Variants in SDK2 observed in about 807,000 individuals in gnomAD.
SDK2 encodes the protein protein sidekick-2.
Under a neutral mutation model 253.9 loss-of-function variants are expected in SDK2, and 105 were observed. The ratio of observed to expected loss-of-function variants is 0.41; its 90% CI spans 0.35 to 0.49. The LOEUF (loss-of-function observed/expected upper bound fraction) is 0.49, where lower values mean the gene tolerates loss of function less well. Among genes scored for constraint, SDK2 ranks in the 20% least tolerant of loss-of-function variants. The pLI, the probability that SDK2 is intolerant of heterozygous loss-of-function variation, is 0.06. For missense variants in SDK2, 2,608 were observed against 3,003.0 expected, an observed-to-expected ratio of 0.87 and a Z score of 3.07; for synonymous variants, 1,249 against 1,234.9, an observed-to-expected ratio of 1.01 and a Z score of -0.24.
chr17:73,393,263 AAG>A (rs1491037750), intron 27 of SDK2, among the ~76,000 whole-genome samples: 4 of 150,764 alleles, frequency 2.7e-5, no homozygotes, highest in Non-Finnish European at 5.9e-5. Context: ...AAAAAAAAAA[AAG>A]AAAAGTAAAT....
chr17:73,340,357 T>C (rs1260695714), intron 44 of SDK2, among the ~76,000 whole-genome samples: 1 of 152,220 alleles, frequency 6.6e-6, no homozygotes, highest in Non-Finnish European at 1.5e-5. Flanking sequence ...TCTCTGCCCC[T>C]ACCGGTCACT....
intron 4 of SDK2, among the ~76,000 whole-genome samples, chr17:73,451,459 G>C: frequency 6.6e-6 from 1 of 152,314 alleles, no homozygotes; most frequent in East Asian, 1.9e-4. Context: ...AGCTGAGATC[G>C]TGCCATTGCA....
At chr17:73,376,029 A>C (rs1457680183) in intron 36 of SDK2, among the ~76,000 whole-genome samples, 5 of 151,144 alleles carry the variant, frequency 3.3e-5, no homozygotes, top group Admixed American at 6.6e-5. Context: ...CCCCGTCTCT[A>C]CTAAAAACAC....
At chr17:73,359,390 C>G (rs2062622215) in intron 39 of SDK2, among the ~76,000 whole-genome samples, 2 of 152,182 alleles carry the variant, frequency 1.3e-5, no homozygotes, top group South Asian at 4.1e-4. Context: ...CCTTCCTTCC[C>G]TATGGAGCAG....
intron 1 of SDK2, among the ~76,000 whole-genome samples, chr17:73,606,840 T>C (rs1479678492): frequency 6.6e-6 from 1 of 151,866 alleles, no homozygotes; most frequent in African/African-American, 2.4e-5. Context: ...ACATAGTGGG[T>C]GAGAAGGGGT....
rs112177053 is a variant in SDK2, at chr17:73,451,159, A to G, written c.480-3411T>C. On this transcript the variant is annotated intron_variant, in intron 4 of 44. Transcript: ENST00000392650. ...CCTTTCTCTCTGGCAGAGCAGGACA[A>G]CTTGGAAGGTTGTGTGCTGATGATG... 1.8e-3 allele frequency among the ~76,000 whole-genome samples: 275 copies of G among 152,314 alleles called. 2 individuals are homozygous for G. Among genetic ancestry groups the G allele is most frequent in the African/African-American group, 6.3e-3 (263 of 41,576 alleles).
intron 2 of SDK2, among the ~76,000 whole-genome samples, chr17:73,494,492 G>C (rs756664146): frequency 6.6e-5 from 10 of 152,208 alleles, no homozygotes; most frequent in Non-Finnish European, 1.5e-4. Context: ...GCCAGGACCC[G>C]TTACGGAGAG....
chr17:73,459,401 C>T (rs919877051), intron 3 of SDK2, among the ~76,000 whole-genome samples: 1 of 152,186 alleles, frequency 6.6e-6, no homozygotes, highest in African/African-American at 2.4e-5. Context: ...CCTTTCTTGC[C>T]TTAATGCCCA....
chr17:73,423,641 A>G, intron 13 of SDK2, 119 bp from the exon 14 acceptor site: 1 of 1,243,252 alleles, frequency 8.0e-7, no homozygotes, highest in Non-Finnish European at 1.1e-6. Context: ...TTAGACGTAA[A>G]ATGTGGCCTT....
At chr17:73,591,208 G>A (rs116732759) in intron 1 of SDK2, among the ~76,000 whole-genome samples, 2,001 of 152,290 alleles carry the variant, frequency 0.013, 37 homozygotes, top group African/African-American at 0.043. Context: ...GTGAGCCACC[G>A]CACCCGGTCT....
In SDK2 at chr17:73,348,669, T is replaced by C; in HGVS notation, c.6095A>G (p.Lys2032Arg). 1.9e-6 allele frequency: 3 copies of C among 1,612,504 alleles called. No homozygotes were observed. The highest frequency in any genetic ancestry group is 2.5e-6 in the Non-Finnish European group (3 of 1,179,776). The change falls in exon 44 of 45, where the codon AAA (lysine) becomes AGA (arginine). Residue 2032 changes from lysine (K) to arginine (R), a missense_variant. By Grantham distance (26) the Lys-to-Arg change is conservative. Coordinates refer to ENST00000392650, the MANE Select transcript of SDK2 (RefSeq NM_001144952.2). ...SLHYSDEDVTKYNDLIPAESS... is the reference protein window; with the variant it reads ...SLHYSDEDVTRYNDLIPAESS... ...CTCTGCAGGGATGAGGTCGTTGTAT[T>C]TGGTGACATCCTCATCCGAGTAGTG...
chr17:73,404,070 A>G (rs1038322515), intron 18 of SDK2, among the ~76,000 whole-genome samples: 7 of 152,178 alleles, frequency 4.6e-5, no homozygotes, highest in Non-Finnish European at 8.8e-5. Flanking sequence ...GTGTCTTTAC[A>G]TGTGCCTTAA....
intron 5 of SDK2, among the ~76,000 whole-genome samples, chr17:73,445,698 TGGCAGGCA>T (rs35240393): frequency 5.9e-5 from 9 of 151,338 alleles, no homozygotes; most frequent in Admixed American, 2.6e-4. Context: ...ACAAATTGGT[TGGCAGGCA>T]GGCAGGCAGG....
rs1032768155 is a variant in SDK2, at chr17:73,398,145, G to A, written c.3244C>T (p.Pro1082Ser). The A allele has an allele frequency of 6.2e-7, 1 of 1,613,704 alleles. No homozygotes were observed. The highest frequency in any genetic ancestry group is 8.5e-7 in the Non-Finnish European group (1 of 1,179,812). The change falls in exon 24 of 45, where the codon CCC becomes TCC. Residue 1082 changes from proline to serine, a missense_variant. Physicochemically the swap from Pro to Ser is moderately conservative, Grantham distance 74. Around this residue, in one of 2 missense-constraint regions of SDK2, gnomAD observed 1,505 missense variants for 1,859.1 expected, o/e 0.81. Transcript: ENST00000392650. The part of the protein sequence containing the change: ...RQVNIVGTSP[P>S]SQPSRKIQTL... ...TGGATCTTTCTAGAAGGCTGACTGG[G>A]GGGGCTGGTGCCCACGATGTTCACC...
rs546200872 is a variant in SDK2, at chr17:73,548,702, C to A, written c.65-41105G>T. Among the ~76,000 whole-genome samples the A allele has an allele frequency of 9.4e-3, 1,429 of 152,346 alleles. 15 individuals carry two copies. The highest frequency in any genetic ancestry group is 0.017 in the Non-Finnish European group (1,160 of 68,018). ...GTCTCCTCCCTGGGGAGGAAATGAC[C>A]TTGGGCACTGCCCAGTCCTTGCACA... is the stretch of plus-strand genomic sequence containing the variant. On this transcript the variant is annotated intron_variant, in intron 1 of 44. Coordinates refer to ENST00000392650, the MANE Select transcript of SDK2 (RefSeq NM_001144952.2).
At chr17:73,400,972 G>A (rs1210117870) in intron 21 of SDK2, 48 bp downstream of exon 21, 9 of 1,509,456 alleles carry the variant, frequency 6.0e-6, no homozygotes, top group Middle Eastern at 2.3e-4. Context: ...TGAATGGGAC[G>A]CTGCTCAGGA....
At chr17:73,577,420 A>G (rs2045471827) in intron 1 of SDK2, among the ~76,000 whole-genome samples, 1 of 152,180 alleles carries the variant, frequency 6.6e-6, no homozygotes, top group Admixed American at 6.5e-5. Flanking sequence ...GACAGGCAGA[A>G]AGCTGACAGT....
chr17:73,554,166 G>A lies in SDK2; in HGVS notation c.65-46569C>T, dbSNP rs1278534355. 2.0e-5 allele frequency among the ~76,000 whole-genome samples: 3 copies of A among 152,236 alleles called. No individual in the cohort carries two copies. The East Asian group carries it at 5.8e-4, about 29-fold the overall frequency. On this transcript the variant is annotated intron_variant, in intron 1 of 44. Coordinates refer to ENST00000392650, the MANE Select transcript of SDK2 (RefSeq NM_001144952.2). ...CAGGAGGCCCCCTGATGAGGACAGG[G>A]GGCAAGTCATCCTCCCCTTTGGAAG...
chr17:73,547,376 C>T (rs1375608722), intron 1 of SDK2, among the ~76,000 whole-genome samples: 1 of 152,240 alleles, frequency 6.6e-6, no homozygotes, highest in Non-Finnish European at 1.5e-5. Context: ...TTACTGAAGA[C>T]ACGGAGGCTT....
Sources: allele counts gnomAD v4.1 joint callset (sites outside exome capture counted in the v4.1 genomes callset), GRCh38; gene constraint gnomAD v4.1.1; regional missense constraint gnomAD v4.1.1; transcripts MANE v1.5; gene names NCBI Gene and HGNC (gene_info 2026-07-23, HGNC 2026-07-21).